Variants in EXOC6 observed in about 807,000 individuals in gnomAD.
EXOC6 encodes SEC15-like 1.
In EXOC6, 60 loss-of-function variants were observed where a neutral mutation model predicts 112.5. The observed-to-expected ratio is 0.53, with a 90% CI of 0.43 to 0.66. The LOEUF (loss-of-function observed/expected upper bound fraction) is 0.66. Ranked by LOEUF, EXOC6 falls within the 30% of genes least tolerant of loss-of-function variation. EXOC6 has a pLI of 0.00. For missense variants in EXOC6, 855 were observed against 957.1 expected (o/e 0.89, Z 1.41); for synonymous variants, 295 against 308.0 (o/e 0.96, Z 0.44).
At chr10:92,981,376 C>T (rs1344298018) in intron 18 of EXOC6, among the ~76,000 whole-genome samples, 1 of 152,160 alleles carries the variant, frequency 6.6e-6, no homozygotes, top group African/African-American at 2.4e-5. Context: ...CATTTTCTTC[C>T]TTTATAAATG....
intron 12 of EXOC6, among the ~76,000 whole-genome samples, chr10:92,938,440 A>T (rs190448600): frequency 2.6e-5 from 4 of 152,272 alleles, no homozygotes; most frequent in Admixed American, 2.6e-4. Context: ...GTGTCTTTTC[A>T]TGAAAACTAA....
chr10:92,991,752 T>TCC (rs1170189047), intron 18 of EXOC6, among the ~76,000 whole-genome samples: 1 of 151,580 alleles, frequency 6.6e-6, no homozygotes, highest in East Asian at 1.9e-4. Flanking sequence ...TCTCTCTCTC[T>TCC]CTGTATGTGT....
chr10:93,024,370 G>T (rs1844923283), intron 20 of EXOC6, among the ~76,000 whole-genome samples: 1 of 152,116 alleles, frequency 6.6e-6, no homozygotes, highest in Non-Finnish European at 1.5e-5. Flanking sequence ...TCCAAGTCAG[G>T]TAAGTTTGGG....
intron 20 of EXOC6, among the ~76,000 whole-genome samples, chr10:93,032,300 C>T (rs1845311571): frequency 6.6e-6 from 1 of 152,150 alleles, no homozygotes; most frequent in Admixed American, 6.5e-5. Context: ...TGCACCACTG[C>T]ACTCCATCCT....
intron 20 of EXOC6, among the ~76,000 whole-genome samples, chr10:93,046,779 G>A (rs900699678): frequency 1.3e-5 from 2 of 151,978 alleles, no homozygotes; most frequent in African/African-American, 4.8e-5. Flanking sequence ...GTATTTTTAA[G>A]TAGAGATGGG....
intron 9 of EXOC6, among the ~76,000 whole-genome samples, chr10:92,931,147 A>C (rs1374281301): frequency 1.3e-5 from 2 of 151,190 alleles, no homozygotes; most frequent in African/African-American, 2.4e-5. Context: ...AAAGGAAAGG[A>C]AAAGGCAAGA....
At chr10:92,828,130 T>C (rs1473584135) in intron 1 of EXOC6, among the ~76,000 whole-genome samples, 2 of 152,244 alleles carry the variant, frequency 1.3e-5, no homozygotes, top group East Asian at 3.8e-4. Flanking sequence ...TTGATCTCTC[T>C]AGATTTTCTA....
rs181594481 is a variant in EXOC6, at chr10:93,041,007, C to T, written c.2170-15917C>T. Among the ~76,000 whole-genome samples, 11 of 152,324 alleles carry T rather than the reference C, an allele frequency of 7.2e-5. No individual in the cohort carries two copies. In the East Asian group the frequency reaches 1.9e-3, roughly 27 times the overall value. ...TATGCCTTAGATACATATCAAGTTG[C>T]TTGGTAAACCATTTGACTTAGGTGT... On this transcript the variant is annotated intron_variant, in intron 20 of 21. Transcript: ENST00000260762.
At chr10:92,848,683 C>G (rs2133613945) in intron 1 of EXOC6, 49 bp downstream of exon 1, 1 of 1,276,244 alleles carries the variant, frequency 7.8e-7, no homozygotes. Flanking sequence ...CCACGCCGGC[C>G]GCTCCTCACG....
In EXOC6 at chr10:92,868,289, C is replaced by G. The variant is rs181870777; in HGVS notation, c.101+19655C>G. Among the ~76,000 whole-genome samples, 524 of 152,150 alleles carry G rather than the reference C, an allele frequency of 3.4e-3. 1 individual carries two copies. The highest frequency in any genetic ancestry group is 0.012 in the African/African-American group (505 of 41,518). On this transcript the variant is annotated intron_variant, in intron 1 of 21. Coordinates refer to ENST00000260762, the MANE Select transcript of EXOC6 (RefSeq NM_019053.6). ...CTTTATCTTTTTTCACGTGGCAACCCAGCTATCCTAGTACCTCTTATTAAA... is the reference window on the plus strand; with the variant it reads ...CTTTATCTTTTTTCACGTGGCAACCGAGCTATCCTAGTACCTCTTATTAAA...
chr10:92,892,903 G>C (rs2133811329), intron 1 of EXOC6, among the ~76,000 whole-genome samples: 1 of 152,296 alleles, frequency 6.6e-6, no homozygotes, highest in East Asian at 1.9e-4. Context: ...TGTAAAACAA[G>C]GGTAATAACA....
At chr10:92,994,305 C>A (rs1843386480) in intron 18 of EXOC6, among the ~76,000 whole-genome samples, 1 of 152,106 alleles carries the variant, frequency 6.6e-6, no homozygotes, top group African/African-American at 2.4e-5. Context: ...TGTCTCTTTA[C>A]CACAATTGTT....
Position 92,935,886 on chromosome 10 carries a change from G to A in EXOC6, c.1212+1G>A. On this transcript the variant is annotated splice_donor_variant, in intron 12 of 21. Coordinates refer to ENST00000260762, the MANE Select transcript of EXOC6 (RefSeq NM_019053.6). LOFTEE classifies it high-confidence loss of function. ...TGTAATATTTGCAGATACTTTACAGGTGGGTGATAACCTAACAATTAATGG... is the reference window on the plus strand; with the variant it reads ...TGTAATATTTGCAGATACTTTACAGATGGGTGATAACCTAACAATTAATGG... The A allele has an allele frequency of 6.3e-7, 1 of 1,580,468 alleles. No homozygotes were observed. Among genetic ancestry groups the A allele is most frequent in the Non-Finnish European group, 8.7e-7 (1 of 1,152,394 alleles).
At chr10:92,937,549 ATTATT>A (rs1354100990) in intron 12 of EXOC6, among the ~76,000 whole-genome samples, 2 of 152,124 alleles carry the variant, frequency 1.3e-5, no homozygotes, top group African/African-American at 4.8e-5. Context: ...CCTTTAGTAA[ATTATT>A]TTATCACTCA....
rs58783356 is a variant in EXOC6, at chr10:92,896,181, A to AT, written c.412+1197dup. Among the ~76,000 whole-genome samples, 2 of 10,228 alleles carry AT rather than the reference A, an allele frequency of 2.0e-4. 1 individual carries two copies. The allele number at this position is 10,228 out of a possible 152,430, so 6.7% of individuals were successfully genotyped here. A position where few individuals can be genotyped will look rare whatever the true frequency, so the allele number is the denominator to read the frequency against. Reference sequence around the variant, plus strand: ...TATATATATATATATATATATATATATTTTTTTTTTTTTTTTTTTTTTTTT... The same window carrying AT: ...TATATATATATATATATATATATATATTTTTTTTTTTTTTTTTTTTTTTTTT... On this transcript the variant is annotated intron_variant, in intron 4 of 21. Transcript: ENST00000260762.
intron 19 of EXOC6, among the ~76,000 whole-genome samples, chr10:93,001,572 C>A (rs996397281): frequency 1.3e-5 from 2 of 152,188 alleles, no homozygotes; most frequent in African/African-American, 4.8e-5. Context: ...CCCTCTAGAG[C>A]TGCCTGCCCC....
At chr10:92,903,951 T>C (rs1850309091) in intron 5 of EXOC6, among the ~76,000 whole-genome samples, 1 of 152,066 alleles carries the variant, frequency 6.6e-6, no homozygotes, top group African/African-American at 2.4e-5. Flanking sequence ...GCTCCCTATC[T>C]TTCCCCATCC....
chr10:93,001,776 A>G (rs1843767216), intron 19 of EXOC6, among the ~76,000 whole-genome samples: 1 of 152,228 alleles, frequency 6.6e-6, no homozygotes. Context: ...ACAGGAAAAA[A>G]CAAATCCTTA....
At chr10:92,988,115 A>T (rs1843082114) in intron 18 of EXOC6, among the ~76,000 whole-genome samples, 1 of 152,098 alleles carries the variant, frequency 6.6e-6, no homozygotes, top group Admixed American at 6.5e-5. Flanking sequence ...CTGATCCCAA[A>T]CTGCACTCGT....
Sources: allele counts gnomAD v4.1 joint callset (sites outside exome capture counted in the v4.1 genomes callset), GRCh38; gene constraint gnomAD v4.1.1; transcripts MANE v1.5; gene names NCBI Gene and HGNC (gene_info 2026-07-23, HGNC 2026-07-21).